The following GRID2 variants were observed in gnomAD, a reference collection of about 807,000 sequenced individuals.
GRID2 encodes glutamate receptor ionotropic, delta-2.
A neutral mutation model predicts 114.8 loss-of-function variants in GRID2; 33 were observed. The ratio of observed to expected loss-of-function variants is 0.29; its 90% confidence interval spans 0.22 to 0.38. The LOEUF is 0.38. GRID2 is among the 10% of genes least tolerant of loss of function. The probability of loss-of-function intolerance (pLI) is 1.00; values close to 1 mark genes in which losing one functional copy is unlikely to be tolerated. For synonymous variants in GRID2, 505 were observed against 449.9 expected (o/e 1.12, Z -1.55); for missense variants, 1,184 against 1,257.7 (o/e 0.94, Z 0.89).
At chr4:92,995,044 G>A (rs1478382922) in intron 2 of GRID2, among the ~76,000 whole-genome samples, 2 of 152,128 alleles carry the variant, frequency 1.3e-5, no homozygotes, top group Non-Finnish European at 2.9e-5. Flanking sequence ...TGTCCTTGGA[G>A]GAATAAAAGG....
intron 8 of GRID2, among the ~76,000 whole-genome samples, chr4:93,285,660 A>T (rs920708669): frequency 6.6e-6 from 1 of 152,048 alleles, no homozygotes; most frequent in Admixed American, 6.6e-5. Flanking sequence ...CAATTTGTCT[A>T]AAAGCAAATG....
intron 2 of GRID2, among the ~76,000 whole-genome samples, chr4:92,591,035 T>C (rs1168627745): frequency 6.6e-6 from 1 of 152,130 alleles, no homozygotes; most frequent in Admixed American, 6.5e-5. Flanking sequence ...TGGTTGATAA[T>C]TGGGAAGGTC....
intron 14 of GRID2, among the ~76,000 whole-genome samples, chr4:93,660,992 C>A (rs1470096979): frequency 1.3e-5 from 2 of 152,144 alleles, no homozygotes; most frequent in Non-Finnish European, 2.9e-5. Context: ...ACTGACCTCG[C>A]ACCTGAAGAA....
chr4:92,717,604 A>AT (rs913733294), intron 2 of GRID2, among the ~76,000 whole-genome samples: 3 of 152,190 alleles, frequency 2.0e-5, no homozygotes, highest in Admixed American at 2.0e-4. Context: ...TGAAGCACAC[A>AT]TTTTTTGAGT....
chr4:92,801,327 A>G (rs1740157716), intron 2 of GRID2, among the ~76,000 whole-genome samples: 1 of 151,946 alleles, frequency 6.6e-6, no homozygotes, highest in African/African-American at 2.4e-5. Flanking sequence ...TGCTAAGTTT[A>G]TGGCATATTA....
intron 13 of GRID2, among the ~76,000 whole-genome samples, chr4:93,563,307 A>G (rs943638976): frequency 6.6e-6 from 1 of 151,972 alleles, no homozygotes; most frequent in African/African-American, 2.4e-5. Flanking sequence ...TTAGCTCTCT[A>G]AATGGTGTAT....
At chr4:93,426,451 T>A (rs1403711947) in intron 10 of GRID2, among the ~76,000 whole-genome samples, 1 of 152,156 alleles carries the variant, frequency 6.6e-6, no homozygotes, top group African/African-American at 2.4e-5. Context: ...AAATCCTTAA[T>A]GAGTTATTAT....
In GRID2 at chr4:93,153,896, A is replaced by G. The variant is rs150026091; in HGVS notation, c.735+42943A>G. 5.3e-5 allele frequency among the ~76,000 whole-genome samples: 8 copies of G among 152,186 alleles called. No homozygotes were observed. In the East Asian group the frequency reaches 5.8e-4, roughly 11 times the overall value. On this transcript the variant is annotated intron_variant, in intron 4 of 15. Coordinates refer to ENST00000282020, the MANE Select transcript of GRID2 (RefSeq NM_001510.4). ...ATCTACCTTCTTAACAGATTTTTAG[A>G]TGTACAATATAGTATTATTATCCAC...
At chr4:93,426,593 A>G (rs963998891) in intron 10 of GRID2, among the ~76,000 whole-genome samples, 3 of 152,110 alleles carry the variant, frequency 2.0e-5, no homozygotes, top group Admixed American at 6.6e-5. Flanking sequence ...TTTTTCACCT[A>G]TAAAAATGAG....
intron 2 of GRID2, among the ~76,000 whole-genome samples, chr4:92,876,732 A>G (rs2149452246): frequency 6.6e-6 from 1 of 152,316 alleles, no homozygotes; most frequent in Middle Eastern, 3.4e-3. Context: ...ATTAGTTTTT[A>G]TTTTTACAAA....
chr4:92,655,913 G>C (rs1253424420), intron 2 of GRID2, among the ~76,000 whole-genome samples: 2 of 151,496 alleles, frequency 1.3e-5, no homozygotes, highest in African/African-American at 4.8e-5. Flanking sequence ...TTTAATAATA[G>C]TGTTGAAAAT....
chr4:92,694,490 C>G (rs1419660461), intron 2 of GRID2, among the ~76,000 whole-genome samples: 2 of 152,174 alleles, frequency 1.3e-5, no homozygotes, highest in Non-Finnish European at 2.9e-5. Flanking sequence ...GGCTGCCTCT[C>G]CAGTCTGTGT....
rs1244832498 is a variant in GRID2 at position 93,031,301 on chromosome 4, C to G, written c.245-53694C>G. Among the ~76,000 whole-genome samples the G allele has an allele frequency of 2.0e-5, 3 of 152,110 alleles. No homozygotes were observed. The East Asian group carries it at 5.8e-4, about 29-fold the overall frequency. ...CCTAGTGATCTGCCTGCCTCGGCCT[C>G]CCAAAGTGCTGGGATAATAGGTGTG... On this transcript the variant is annotated intron_variant, in intron 2 of 15. Coordinates refer to ENST00000282020, the MANE Select transcript of GRID2 (RefSeq NM_001510.4).
At chr4:93,108,492 G>A (rs1412790339) in intron 3 of GRID2, among the ~76,000 whole-genome samples, 1 of 152,132 alleles carries the variant, frequency 6.6e-6, no homozygotes, top group Admixed American at 6.5e-5. Flanking sequence ...TCTGTTTTCT[G>A]AGCATCTTGG....
intron 2 of GRID2, among the ~76,000 whole-genome samples, chr4:92,597,252 A>G (rs1728997728): frequency 2.6e-5 from 4 of 152,112 alleles, no homozygotes; most frequent in Admixed American, 2.6e-4. Flanking sequence ...TTACCTTTAA[A>G]CAAAATATTA....
intron 2 of GRID2, among the ~76,000 whole-genome samples, chr4:93,045,069 A>G (rs1188580925): frequency 6.6e-6 from 1 of 152,116 alleles, no homozygotes; most frequent in South Asian, 2.1e-4. Context: ...ATGAAGATAG[A>G]TGAACAGTGA....
At chr4:92,839,039 TC>T (rs1742680760) in intron 2 of GRID2, among the ~76,000 whole-genome samples, 1 of 152,114 alleles carries the variant, frequency 6.6e-6, no homozygotes, top group Admixed American at 6.6e-5. Flanking sequence ...CTGGCCAGCG[TC>T]CTGCTTATGA....
intron 11 of GRID2, among the ~76,000 whole-genome samples, chr4:93,485,957 C>T (rs968569578): frequency 7.9e-5 from 12 of 151,656 alleles, no homozygotes; most frequent in Non-Finnish European, 1.6e-4. Context: ...TTGAGGAGAA[C>T]TTATATCTTT....
At chr4:92,342,236 C>T (rs150451784) in intron 1 of GRID2, among the ~76,000 whole-genome samples, 1,794 of 152,056 alleles carry the variant, frequency 0.012, 16 homozygotes, top group Non-Finnish European at 0.02. Flanking sequence ...TCAATATCAT[C>T]AGGAGACTTA....
Sources: gnomAD v4.1 joint callset for allele counts (sites outside exome capture counted in the v4.1 genomes callset) on GRCh38, gnomAD v4.1.1 for gene constraint, MANE v1.5 for transcripts, NCBI Gene and HGNC (gene_info 2026-07-23, HGNC 2026-07-21) for gene names.